Variants in CD99L2 observed in about 807,000 individuals in gnomAD.
CD99L2 encodes the protein CD99 molecule like 2.
Under a neutral mutation model 27.3 loss-of-function variants are expected in CD99L2, and 24 were observed. The ratio of observed to expected loss-of-function variants is 0.88; its 90% CI spans 0.64 to 1.24. The LOEUF (loss-of-function observed/expected upper bound fraction) is 1.24, where lower values mean the gene tolerates loss of function less well. Among genes scored for constraint, CD99L2 ranks in the 50% most tolerant of loss-of-function variants. CD99L2 has a pLI of 0.00. For synonymous variants in CD99L2, 97 were observed against 87.9 expected, an observed-to-expected ratio of 1.10 and a Z score of -0.58; for missense variants, 255 against 221.6, an observed-to-expected ratio of 1.15 and a Z score of -0.96.
chrX:150,853,996 C>G (rs2046832070), intron 1 of CD99L2, among the ~76,000 whole-genome samples: 1 of 111,579 alleles, frequency 9.0e-6, no homozygotes, highest in Admixed American at 9.5e-5. Context: ...AAGTTACAGT[C>G]AGATAGGCAA....
chrX:150,861,709 T>C (rs369837727), intron 1 of CD99L2, among the ~76,000 whole-genome samples: 180 of 109,662 alleles, frequency 1.6e-3, no homozygotes, highest in African/African-American at 5.7e-3. Context: ...GAGACCAGCC[T>C]GGCCAACATG....
chrX:150,879,925 CAAAAAAAAA>C (rs782555339), intron 1 of CD99L2, among the ~76,000 whole-genome samples: 2 of 27,321 alleles, frequency 7.3e-5, no homozygotes, highest in African/African-American at 2.9e-4. Flanking sequence ...ACCCTGTCTC[CAAAAAAAAA>C]AAAAAAAAAA....
chrX:150,770,446 C>T, intron 9 of CD99L2, 77 bp from the exon 10 acceptor site: 1 of 954,959 alleles, frequency 1.0e-6, no homozygotes, highest in Non-Finnish European at 1.5e-6. Flanking sequence ...AACTCCTGAC[C>T]AAGTCCTCTG....
intron 3 of CD99L2, 78 bp downstream of exon 3, chrX:150,815,929 G>A: frequency 1.0e-6 from 1 of 962,591 alleles, no homozygotes; most frequent in Non-Finnish European, 1.5e-6. Flanking sequence ...AAAACTGTAG[G>A]TAGTTCACTT....
chrX:150,793,865 GAA>G (rs1557419805), intron 6 of CD99L2, 109 bp from the exon 7 acceptor site: 2 of 586,953 alleles, frequency 3.4e-6, no homozygotes, highest in Non-Finnish European at 5.1e-6. Context: ...TTCCACTTAA[GAA>G]TGCCCTTCAT....
In CD99L2 at chrX:150,790,711, T is replaced by G. The variant is rs182331668; in HGVS notation, c.496+2980A>C. 8.7e-4 allele frequency among the ~76,000 whole-genome samples: 97 copies of G among 111,414 alleles called. 1 individual carries two copies. Among genetic ancestry groups the G allele is most frequent in the Non-Finnish European group, 4.0e-4 (21 of 53,037 alleles). On this transcript the variant is annotated intron_variant, in intron 7 of 10. Coordinates refer to ENST00000370377, the MANE Select transcript of CD99L2 (RefSeq NM_031462.4). ...GGTGTCTCACTGTCAGAGAGGAAAG[T>G]TATAGGTAAGTGAGAAAGGAAGATC... is the stretch of plus-strand genomic sequence containing the variant.
At chrX:150,800,070 T>C (rs1398384793) in intron 4 of CD99L2, among the ~76,000 whole-genome samples, 1 of 112,475 alleles carries the variant, frequency 8.9e-6, no homozygotes, top group Non-Finnish European at 1.9e-5. Flanking sequence ...CTCTGGTACA[T>C]GCTGCAACAT....
At position 150,858,520 on chromosome X, in the gene CD99L2, A is replaced by G. The variant is rs1292373589; in HGVS notation, c.68-27227T>C. Among the ~76,000 whole-genome samples, 7 of 112,688 alleles carry G rather than the reference A, an allele frequency of 6.2e-5. No individual in the cohort carries two copies. In the East Asian group the frequency reaches 1.7e-3, roughly 27 times the overall value. On this transcript the variant is annotated intron_variant, in intron 1 of 10. Transcript: ENST00000370377. ...AAATATCTTCTCAGACCACAATGGAATAAAACTAGAAATCAATAACAAGAA... is the reference window on the plus strand; with the variant it reads ...AAATATCTTCTCAGACCACAATGGAGTAAAACTAGAAATCAATAACAAGAA...
Position 150,898,532 on chromosome X carries a change from C to T in CD99L2, c.57G>A (p.Leu19=), listed in dbSNP as rs782262755. ...CCCCGCCCGCCTTACCTCGCTGGAC[C>T]AGGGTGGCCAAGGAGAAAGCGAGGC... The part of the protein sequence containing the change: ...LVCLAFSLAT[L]VQRGSGDFDD... Residue 19 remains leucine, a synonymous_variant, in exon 1 of 11, where the codon CTG becomes CTA. Coordinates refer to ENST00000370377, the MANE Select transcript of CD99L2 (RefSeq NM_031462.4). 2.3e-5 allele frequency: 25 copies of T among 1,110,386 alleles called. No individual in the cohort carries two copies. Among genetic ancestry groups the T allele is most frequent in the Non-Finnish European group, 2.8e-5 (24 of 848,129 alleles). 91.5% of individuals were successfully genotyped at this position (1,110,386 alleles called of 1,213,427 possible). A position where few individuals can be genotyped will look rare whatever the true frequency, so the allele number is the denominator to read the frequency against.
chrX:150,796,647 G>T (rs1203511103), intron 4 of CD99L2, among the ~76,000 whole-genome samples: 1 of 112,214 alleles, frequency 8.9e-6, no homozygotes, highest in Non-Finnish European at 1.9e-5. Context: ...TCAACCAATG[G>T]GATTTAATTG....
intron 3 of CD99L2, 98 bp from the exon 4 acceptor site, chrX:150,815,034 A>G: frequency 1.3e-6 from 1 of 793,732 alleles, no homozygotes; most frequent in Non-Finnish European, 1.9e-6. Flanking sequence ...TCAACTGATC[A>G]ATACCAACAA....
chrX:150,845,577 T>C (rs2046689794), intron 1 of CD99L2, among the ~76,000 whole-genome samples: 2 of 110,658 alleles, frequency 1.8e-5, no homozygotes, highest in Non-Finnish European at 3.8e-5. Context: ...TGGTTAATCA[T>C]TAGGTAGCAG....
intron 1 of CD99L2, among the ~76,000 whole-genome samples, chrX:150,890,540 C>CA (rs1276311351): frequency 3.9e-4 from 44 of 111,676 alleles, no homozygotes; most frequent in African/African-American, 1.4e-3. Flanking sequence ...AACCAACAAA[C>CA]AAAAAACAAC....
In CD99L2 at chrX:150,878,533, T is replaced by TA. The variant is rs782675993; in HGVS notation, c.67+19988dup. Among the ~76,000 whole-genome samples, 122 of 64,084 alleles carry TA rather than the reference T, an allele frequency of 1.9e-3. 1 individual carries two copies. The highest frequency in any genetic ancestry group is 4.5e-3 in the African/African-American group (87 of 19,264). 55.6% of individuals were successfully genotyped at this position (64,084 alleles called of 115,157 possible). A position where few individuals can be genotyped will look rare whatever the true frequency, so the allele number is the denominator to read the frequency against. On this transcript the variant is annotated intron_variant, in intron 1 of 10. Coordinates refer to ENST00000370377, the MANE Select transcript of CD99L2 (RefSeq NM_031462.4). ...TTTGAATAGGAAAACTTAATACTAC[T>TA]AAAAAAAAAAAAGAAGGAAAGAAAA...
intron 1 of CD99L2, among the ~76,000 whole-genome samples, chrX:150,860,239 T>C (rs185479925): frequency 5.2e-4 from 58 of 112,215 alleles, no homozygotes; most frequent in Non-Finnish European, 8.8e-4. Context: ...ATCATTTCAA[T>C]AGACATAGAA....
chrX:150,777,459 C>A lies in CD99L2; in HGVS notation c.520G>T (p.Asp174Tyr). 1 of 1,211,934 alleles carries A rather than the reference C, an allele frequency of 8.3e-7. No homozygotes were observed. Among genetic ancestry groups the A allele is most frequent in the Non-Finnish European group, 1.1e-6 (1 of 895,509 alleles). The change falls in exon 8 of 11, where the codon GAC (aspartate) becomes TAC (tyrosine). Residue 174 changes from aspartate to tyrosine, a missense_variant. Coordinates refer to ENST00000370377, the MANE Select transcript of CD99L2 (RefSeq NM_031462.4). ...GKGDGRYGSN[D>Y]DPGSGMVAEP... ...AGAAACCCACCAGATCCAGGGTCGT[C>A]ATTGCTGCCGTACCGGCCATCACCT...
At chrX:150,833,204 TATA>T (rs1264379845) in intron 1 of CD99L2, among the ~76,000 whole-genome samples, 1 of 111,348 alleles carries the variant, frequency 9.0e-6, no homozygotes, top group Non-Finnish European at 1.9e-5. Context: ...CAATCCCATT[TATA>T]ATAACATCAA....
chrX:150,844,958 C>T (rs1028784377), intron 1 of CD99L2, among the ~76,000 whole-genome samples: 1 of 112,024 alleles, frequency 8.9e-6, no homozygotes, highest in African/African-American at 3.2e-5. Context: ...TCTTAAAGTG[C>T]TTTTACTTAT....
At chrX:150,898,019 G>T (rs1347685496) in intron 1 of CD99L2, among the ~76,000 whole-genome samples, 1 of 89,441 alleles carries the variant, frequency 1.1e-5, no homozygotes, top group Non-Finnish European at 2.1e-5. Flanking sequence ...GACGGCAGAA[G>T]CACCTAGAGA....
Sources: allele counts gnomAD v4.1 joint callset (sites outside exome capture counted in the v4.1 genomes callset), GRCh38; gene constraint gnomAD v4.1.1; transcripts MANE v1.5; gene names NCBI Gene and HGNC (gene_info 2026-07-23, HGNC 2026-07-21).